TMEM45B: variants seen among roughly 807,000 people sequenced by gnomAD.
TMEM45B encodes the protein transmembrane protein 45B.
TMEM45B carries 29 observed loss-of-function variants against 27.3 expected under a neutral mutation model. The ratio of observed to expected loss-of-function variants is 1.06; its 90% CI spans 0.79 to 1.45. TMEM45B has a LOEUF of 1.45. TMEM45B is among the 40% of genes most tolerant of loss of function. The pLI, the probability that TMEM45B is intolerant of heterozygous loss-of-function variation, is 0.00. For synonymous variants in TMEM45B, 143 were observed against 134.7 expected, an observed-to-expected ratio of 1.06 and a Z score of -0.43; for missense variants, 348 against 343.9, an observed-to-expected ratio of 1.01 and a Z score of -0.09.
At chr11:129,819,544 CTTCTT>C (rs1297926912) in intron 1 of TMEM45B, among the ~76,000 whole-genome samples, 1 of 151,236 alleles carries the variant, frequency 6.6e-6, no homozygotes, top group South Asian at 2.1e-4. Context: ...TCTTTTCTCT[CTTCTT>C]TTCTTTTCTC....
intron 1 of TMEM45B, among the ~76,000 whole-genome samples, chr11:129,830,367 A>G (rs1307610232): frequency 1.3e-5 from 2 of 152,208 alleles, no homozygotes; most frequent in South Asian, 4.1e-4. Context: ...CATAAATATA[A>G]GAGCTAAAAC....
intron 1 of TMEM45B, among the ~76,000 whole-genome samples, chr11:129,844,495 G>A (rs1423306311): frequency 6.6e-6 from 1 of 152,180 alleles, no homozygotes. Flanking sequence ...AGACCAGCCT[G>A]GGCAACATAG....
intron 3 of TMEM45B, 70 bp from the exon 4 acceptor site, chr11:129,855,638 T>G: frequency 6.5e-7 from 1 of 1,538,266 alleles, no homozygotes; most frequent in Non-Finnish European, 9.0e-7. Context: ...CTGAGACAGG[T>G]GTAGGAGGAA....
chr11:129,843,560 T>C (rs186349483), intron 1 of TMEM45B, among the ~76,000 whole-genome samples: 3 of 151,368 alleles, frequency 2.0e-5, no homozygotes, highest in South Asian at 2.1e-4. Flanking sequence ...TCTGTTGTTA[T>C]AGCATTGTAG....
At chr11:129,840,993 A>G (rs1947684528) in intron 1 of TMEM45B, among the ~76,000 whole-genome samples, 2 of 151,116 alleles carry the variant, frequency 1.3e-5, no homozygotes, top group Non-Finnish European at 2.9e-5. Context: ...CAAAAAATAT[A>G]TAAAACTAGA....
chr11:129,839,789 G>C (rs1037766715), intron 1 of TMEM45B, among the ~76,000 whole-genome samples: 25 of 152,214 alleles, frequency 1.6e-4, no homozygotes, highest in African/African-American at 5.8e-4. Flanking sequence ...CCCGCCTCAG[G>C]CTTCCAAAGT....
intron 1 of TMEM45B, among the ~76,000 whole-genome samples, chr11:129,844,376 G>C (rs763953992): frequency 2.0e-5 from 3 of 152,150 alleles, no homozygotes; most frequent in Non-Finnish European, 2.9e-5. Context: ...ATGTACAGGA[G>C]GGTGACTATC....
At chr11:129,854,352 G>T (rs558596980) in intron 2 of TMEM45B, among the ~76,000 whole-genome samples, 1 of 152,288 alleles carries the variant, frequency 6.6e-6, no homozygotes, top group Admixed American at 6.5e-5. Context: ...GTGTGGTTGT[G>T]TTCATTGATT....
Position 129,854,508 on chromosome 11 carries a change from T to TCACCC in TMEM45B, c.179-99_179-95dup, listed in dbSNP as rs149067679. 8,391 of 1,218,908 alleles carry TCACCC rather than the reference T, an allele frequency of 6.9e-3. 448 individuals carry two copies. In the African/African-American group the frequency reaches 0.11, roughly 16 times the overall value. 75.5% of individuals were successfully genotyped at this position (1,218,908 alleles called of 1,614,324 possible). A position where few individuals can be genotyped will look rare whatever the true frequency, so the allele number is the denominator to read the frequency against. Reference sequence around the variant, plus strand: ...TGCTGACCCGCGGGCCACCCTCACCTCACCCCATCTCCGCTTCGCTCATGC... The same window carrying TCACCC: ...TGCTGACCCGCGGGCCACCCTCACCTCACCCCACCCCATCTCCGCTTCGCTCATGC... On this transcript the variant is annotated intron_variant, in intron 2 of 5. Transcript: ENST00000281441.
At chr11:129,829,132 C>T (rs691010) in intron 1 of TMEM45B, among the ~76,000 whole-genome samples, 15,822 of 152,210 alleles carry the variant, frequency 0.1, 1,203 homozygotes, top group East Asian at 0.33. Context: ...GAGAACTTGT[C>T]CAAGGTCTTA....
At chr11:129,845,789 G>A (rs1272901137) in intron 1 of TMEM45B, among the ~76,000 whole-genome samples, 1 of 152,164 alleles carries the variant, frequency 6.6e-6, no homozygotes, top group Non-Finnish European at 1.5e-5. Context: ...TTTTGGGAAT[G>A]CTAGACTTAT....
rs532432403 is a variant in TMEM45B at position 129,841,126 on chromosome 11, C to CT, written c.-8-11342dup. On this transcript the variant is annotated intron_variant, in intron 1 of 5. Transcript: ENST00000281441. The stretch of plus-strand genomic sequence containing the variant: ...TCTTCAGGCAAGTAGGAGATGGTGG[C>CT]TTTTTTTGCCTGTGGCTGCTCCCAT... 2.0e-3 allele frequency among the ~76,000 whole-genome samples: 306 copies of CT among 152,014 alleles called. 1 individual carries two copies. Among genetic ancestry groups the CT allele is most frequent in the African/African-American group, 6.6e-3 (274 of 41,468 alleles).
intron 1 of TMEM45B, among the ~76,000 whole-genome samples, chr11:129,816,101 G>A (rs997757186): frequency 2.0e-5 from 3 of 152,164 alleles, no homozygotes; most frequent in African/African-American, 7.2e-5. Context: ...GAGGGCCCTG[G>A]TGTCGCGGAA....
At chr11:129,816,566 G>A (rs1185642617) in intron 1 of TMEM45B, among the ~76,000 whole-genome samples, 2 of 152,064 alleles carry the variant, frequency 1.3e-5, no homozygotes, top group Admixed American at 6.6e-5. Flanking sequence ...ATTTGCGGGG[G>A]TGGCCCTGTC....
At chr11:129,847,736 C>A (rs1400346482) in intron 1 of TMEM45B, among the ~76,000 whole-genome samples, 1 of 152,140 alleles carries the variant, frequency 6.6e-6, no homozygotes, top group African/African-American at 2.4e-5. Context: ...TCCCAAGGCA[C>A]AATTTTTCTT....
chr11:129,829,117 C>G (rs1947520033), intron 1 of TMEM45B, among the ~76,000 whole-genome samples: 1 of 152,194 alleles, frequency 6.6e-6, no homozygotes, highest in Non-Finnish European at 1.5e-5. Context: ...GATTCACAGA[C>G]ATTAGAGAAC....
chr11:129,841,956 G>C (rs111249799), intron 1 of TMEM45B, among the ~76,000 whole-genome samples: 1 of 152,116 alleles, frequency 6.6e-6, no homozygotes, highest in African/African-American at 2.4e-5. Flanking sequence ...TAAATGACTC[G>C]ACAAATAGGG....
rs1947861665 is a variant in TMEM45B, at chr11:129,852,513, G to A, written c.31G>A (p.Gly11Arg). ...AAATTTCAAGGGCCACGCGCTTCCA[G>A]GGAGTTTCTTCCTGATCATTGGGCT... is the stretch of plus-strand genomic sequence containing the variant. MANFKGHALP[G>R]SFFLIIGLCW... Residue 11 changes from glycine (G) to arginine (R), a missense_variant, in exon 2 of 6, where the codon GGG becomes AGG. Coordinates refer to ENST00000281441, the MANE Select transcript of TMEM45B (RefSeq NM_138788.5). 4 of 1,608,644 alleles carry A rather than the reference G, an allele frequency of 2.5e-6. No homozygotes were observed. The highest frequency in any genetic ancestry group is 2.2e-5 in the East Asian group (1 of 44,710).
At chr11:129,821,096 T>C (rs1162646957) in intron 1 of TMEM45B, among the ~76,000 whole-genome samples, 1 of 152,184 alleles carries the variant, frequency 6.6e-6, no homozygotes, top group Non-Finnish European at 1.5e-5. Flanking sequence ...TATATATTAT[T>C]CCCAACTAAG....
Sources: gnomAD v4.1 joint callset for allele counts (sites outside exome capture counted in the v4.1 genomes callset) on GRCh38, gnomAD v4.1.1 for gene constraint, MANE v1.5 for transcripts, NCBI Gene and HGNC (gene_info 2026-07-23, HGNC 2026-07-21) for gene names.